The following DKK2 variants were observed in gnomAD, a reference collection of about 807,000 sequenced individuals.
The protein encoded by DKK2 is dickkopf Wnt signaling pathway inhibitor 2.
In DKK2, 11 loss-of-function variants were observed where a neutral mutation model predicts 28.1. That is an observed-to-expected ratio of 0.39 (90% CI 0.25 to 0.65). The LOEUF is 0.65. DKK2 is among the 30% of genes least tolerant of loss of function. The pLI is 0.47. For synonymous variants in DKK2, 135 were observed against 126.5 expected (o/e 1.07, Z -0.45); for missense variants, 326 against 335.5 (o/e 0.97, Z 0.22).
At chr4:107,032,967 C>T (rs751289598) in intron 1 of DKK2, among the ~76,000 whole-genome samples, 1 of 150,680 alleles carries the variant, frequency 6.6e-6, no homozygotes, top group Non-Finnish European at 1.5e-5. Context: ...TGTTGGTGAC[C>T]ACATAACTAT....
intron 1 of DKK2, among the ~76,000 whole-genome samples, chr4:106,949,449 G>C (rs1724826831): frequency 6.6e-6 from 1 of 152,114 alleles, no homozygotes; most frequent in South Asian, 2.1e-4. Flanking sequence ...AAATATAACA[G>C]TTCTGGTCAC....
chr4:106,926,038 G>A lies in DKK2; in HGVS notation c.223-89C>T. ...ACTATAGCAAATCATGATAGAAAAT[G>A]AATCACAATATATCTCACCCGGAAG... On this transcript the variant is annotated intron_variant, in intron 1 of 3. Transcript: ENST00000285311. The A allele has an allele frequency of 2.2e-6, 3 of 1,382,324 alleles. No individual in the cohort carries two copies. In the Admixed American group the frequency reaches 7.5e-5, roughly 35 times the overall value. The allele number at this position is 1,382,324 out of a possible 1,614,324, so 85.6% of individuals were successfully genotyped here.
At chr4:106,965,606 T>A (rs192784242) in intron 1 of DKK2, among the ~76,000 whole-genome samples, 5,525 of 152,138 alleles carry the variant, frequency 0.036, 105 homozygotes, top group African/African-American at 0.049. Flanking sequence ...ATTTTTTTTT[T>A]AATTATACTT....
At chr4:106,967,623 C>T (rs919618343) in intron 1 of DKK2, among the ~76,000 whole-genome samples, 1 of 152,078 alleles carries the variant, frequency 6.6e-6, no homozygotes, top group Non-Finnish European at 1.5e-5. Flanking sequence ...TGCCACAGAT[C>T]TGTCTTCTCT....
intron 1 of DKK2, among the ~76,000 whole-genome samples, chr4:106,949,281 G>T (rs1724824535): frequency 6.6e-6 from 1 of 151,984 alleles, no homozygotes; most frequent in African/African-American, 2.4e-5. Context: ...AATGACACTG[G>T]GACTAAATGC....
At chr4:106,999,640 C>T (rs557229004) in intron 1 of DKK2, among the ~76,000 whole-genome samples, 217 of 152,308 alleles carry the variant, frequency 1.4e-3, no homozygotes, top group African/African-American at 4.9e-3. Context: ...CCACCGTGCC[C>T]GGCCCTGTAT....
chr4:106,954,591 G>A (rs1299642640), intron 1 of DKK2, among the ~76,000 whole-genome samples: 1 of 151,930 alleles, frequency 6.6e-6, no homozygotes, highest in Non-Finnish European at 1.5e-5. Context: ...GCATGATCTC[G>A]GCTCACTGCA....
At chr4:106,950,025 G>A (rs1310122139) in intron 1 of DKK2, among the ~76,000 whole-genome samples, 2 of 152,176 alleles carry the variant, frequency 1.3e-5, no homozygotes, top group East Asian at 3.9e-4. Context: ...GGCTTCTGGA[G>A]AGTGTAAAAC....
chr4:106,971,352 A>G (rs932326209), intron 1 of DKK2, among the ~76,000 whole-genome samples: 1 of 152,116 alleles, frequency 6.6e-6, no homozygotes, highest in African/African-American at 2.4e-5. Flanking sequence ...AATTCACTTC[A>G]ATGTATTTCA....
At position 106,923,818 on chromosome 4, in the gene DKK2, T is replaced by C. The variant is rs1724383506; in HGVS notation, c.*136A>G. ...TCAGTTCATGTTTTCTTTCTCCCTT[T>C]TTGTGATCATCTATATTCTTATCAC... On this transcript the variant is annotated 3_prime_UTR_variant, in exon 4 of 4. Coordinates refer to ENST00000285311, the MANE Select transcript of DKK2 (RefSeq NM_014421.3). The C allele has an allele frequency of 8.1e-7, 1 of 1,233,012 alleles. No homozygotes were observed. Among genetic ancestry groups the C allele is most frequent in the Non-Finnish European group, 1.1e-6 (1 of 893,306 alleles). The allele number at this position is 1,233,012 out of a possible 1,614,324, so 76.4% of individuals were successfully genotyped here.
intron 1 of DKK2, among the ~76,000 whole-genome samples, chr4:107,011,057 G>A (rs1041242782): frequency 6.6e-6 from 1 of 151,368 alleles, no homozygotes; most frequent in Middle Eastern, 3.2e-3. Context: ...TTTGGTGGAT[G>A]TTTTGATCTG....
chr4:107,003,753 G>A (rs909997700), intron 1 of DKK2, among the ~76,000 whole-genome samples: 2 of 152,164 alleles, frequency 1.3e-5, no homozygotes, highest in Non-Finnish European at 2.9e-5. Flanking sequence ...TCTCAGGACC[G>A]GGTCCAGCGT....
Position 107,035,729 on chromosome 4 carries a change from G to A in DKK2, c.-138C>T. 2 of 819,138 alleles carry A rather than the reference G, an allele frequency of 2.4e-6. No homozygotes were observed. The highest frequency in any genetic ancestry group is 3.8e-6 in the Non-Finnish European group (2 of 519,730). The allele number at this position is 819,138 out of a possible 1,614,324, so 50.7% of individuals were successfully genotyped here. On this transcript the variant is annotated 5_prime_UTR_variant, in exon 1 of 4. Coordinates refer to ENST00000285311, the MANE Select transcript of DKK2 (RefSeq NM_014421.3). The stretch of plus-strand genomic sequence containing the variant: ...GTGTTCCCTCAACCCTTCCTGGTTC[G>A]GGGACCCAGGACCCTATGAACTCAG...
chr4:106,992,045 T>C (rs888770798), intron 1 of DKK2, among the ~76,000 whole-genome samples: 4 of 152,310 alleles, frequency 2.6e-5, no homozygotes, highest in African/African-American at 9.6e-5. Context: ...TTGCTGAAAC[T>C]TTCCTCAGAG....
intron 1 of DKK2, among the ~76,000 whole-genome samples, chr4:106,959,825 T>C (rs531416463): frequency 6.6e-6 from 1 of 152,052 alleles, no homozygotes; most frequent in Non-Finnish European, 1.5e-5. Flanking sequence ...AAATACTCAA[T>C]TAAGCTTATA....
chr4:107,033,156 G>A (rs115496448), intron 1 of DKK2, among the ~76,000 whole-genome samples: 1,825 of 152,158 alleles, frequency 0.012, 36 homozygotes, highest in African/African-American at 0.041. Context: ...ATTCAACCCA[G>A]TATTTTATTT....
At chr4:106,956,860 A>T (rs1016863804) in intron 1 of DKK2, among the ~76,000 whole-genome samples, 1 of 151,052 alleles carries the variant, frequency 6.6e-6, no homozygotes, top group Non-Finnish European at 1.5e-5. Context: ...TTCATGTCTA[A>T]AACACCAAAA....
chr4:107,013,801 G>T (rs966638681), intron 1 of DKK2, among the ~76,000 whole-genome samples: 1 of 151,364 alleles, frequency 6.6e-6, no homozygotes, highest in Admixed American at 6.6e-5. Context: ...TCTGACAGGG[G>T]GTTGATATTT....
intron 1 of DKK2, among the ~76,000 whole-genome samples, chr4:106,951,705 G>A (rs972625609): frequency 1.3e-4 from 20 of 152,004 alleles, no homozygotes; most frequent in Non-Finnish European, 1.6e-4. Context: ...TGACAATAAA[G>A]GTAAACATGT....
Sources: gnomAD v4.1 joint callset for allele counts (sites outside exome capture counted in the v4.1 genomes callset) on GRCh38, gnomAD v4.1.1 for gene constraint, MANE v1.5 for transcripts, NCBI Gene and HGNC (gene_info 2026-07-23, HGNC 2026-07-21) for gene names.